The following PAPPA2 variants were observed in gnomAD, a reference collection of about 807,000 sequenced individuals.
The protein encoded by PAPPA2 is pappalysin-2.
PAPPA2 carries 86 observed loss-of-function variants against 176.4 expected under a neutral mutation model. The observed-to-expected ratio is 0.49, with a 90% CI of 0.41 to 0.58. PAPPA2 has a LOEUF of 0.58. Among genes scored for constraint, PAPPA2 ranks in the 20% least tolerant of loss-of-function variants. PAPPA2 has a pLI of 0.00. For missense variants in PAPPA2, 2,073 were observed against 2,256.9 expected (o/e 0.92, Z 1.65); for synonymous variants, 809 against 852.2 (o/e 0.95, Z 0.88).
Position 176,710,001 on chromosome 1 carries a change from A to G in PAPPA2, c.3476A>G (p.Tyr1159Cys), listed in dbSNP as rs1399708937. Reference protein sequence around the residue: ...FNCVGEPSLCYMYEGDGICEP... With the variant: ...FNCVGEPSLCCMYEGDGICEP... ...TTGGCAGGAGAGCCAAGCCTTTGCT[A>G]CATGTATGAGGGAGATGGCATATGT... Residue 1159 changes from tyrosine (Y) to cysteine (C), a missense_variant, in exon 11 of 23, where the codon TAC becomes TGC. Tyr to Cys is a radical substitution (Grantham distance 194). Around this residue, in one of 4 missense-constraint regions of PAPPA2, gnomAD observed 846 missense variants for 857.9 expected, o/e 0.99. Coordinates refer to ENST00000367662, the MANE Select transcript of PAPPA2 (RefSeq NM_020318.3). 2 of 1,607,620 alleles carry G rather than the reference A, an allele frequency of 1.2e-6. No individual in the cohort carries two copies. Among genetic ancestry groups the G allele is most frequent in the South Asian group, 2.2e-5 (2 of 89,548 alleles).
chr1:176,834,947 G>A (rs1667216453), intron 21 of PAPPA2, among the ~76,000 whole-genome samples: 1 of 152,086 alleles, frequency 6.6e-6, no homozygotes, highest in African/African-American at 2.4e-5. Flanking sequence ...CTCCAGCCTG[G>A]GCCACAAAAG....
chr1:176,726,903 T>C (rs2102856926), intron 12 of PAPPA2, among the ~76,000 whole-genome samples: 1 of 152,314 alleles, frequency 6.6e-6, no homozygotes, highest in African/African-American at 2.4e-5. Context: ...AGCTGACTCC[T>C]TCTGTGGAGA....
rs141584293 is a variant in PAPPA2, at chr1:176,708,317, G to T, written c.3458-1666G>T. Among the ~76,000 whole-genome samples the T allele has an allele frequency of 1.3e-3, 204 of 152,160 alleles. 1 individual carries two copies. Among genetic ancestry groups the T allele is most frequent in the Non-Finnish European group, 3.4e-4 (23 of 67,978 alleles). On this transcript the variant is annotated intron_variant, in intron 10 of 22. Coordinates refer to ENST00000367662, the MANE Select transcript of PAPPA2 (RefSeq NM_020318.3). ...TAGACATTTTTTCAGTGAATCATAA[G>T]TTCATCATATGCTAAGCACATATTC...
At position 176,691,448 on chromosome 1, in the gene PAPPA2, C is replaced by T. The variant is rs1660118026; in HGVS notation, c.2432-678C>T. Among the ~76,000 whole-genome samples the T allele has an allele frequency of 2.0e-5, 3 of 152,198 alleles. No homozygotes were observed. The South Asian group carries it at 6.2e-4, about 32-fold the overall frequency. On this transcript the variant is annotated intron_variant, in intron 5 of 22. Coordinates refer to ENST00000367662, the MANE Select transcript of PAPPA2 (RefSeq NM_020318.3). Reference sequence around the variant, plus strand: ...CCAGCACCTCTCCCCCATCAAGGGGCAGAAACACCAGACGATGCCATGCAG... The same window carrying T: ...CCAGCACCTCTCCCCCATCAAGGGGTAGAAACACCAGACGATGCCATGCAG...
At chr1:176,794,774 AAGGGC>A (rs80335936) in intron 20 of PAPPA2, among the ~76,000 whole-genome samples, 62,807 of 152,132 alleles carry the variant, frequency 0.41, 14,408 homozygotes, top group African/African-American at 0.6. Context: ...TGTGAGAGAC[AAGGGC>A]ATGCTGGATG....
intron 12 of PAPPA2, among the ~76,000 whole-genome samples, chr1:176,730,598 T>TG (rs1458893778): frequency 1.4e-5 from 2 of 141,062 alleles, no homozygotes; most frequent in African/African-American, 5.7e-5. Flanking sequence ...TTTTGTTTTT[T>TG]GTTTTTTTTT....
At chr1:176,478,710 G>A (rs985387542) in intron 1 of PAPPA2, among the ~76,000 whole-genome samples, 2 of 152,206 alleles carry the variant, frequency 1.3e-5, no homozygotes, top group African/African-American at 4.8e-5. Flanking sequence ...AGGGAGACTG[G>A]CCAGTCCTCT....
rs555801320 is a variant in PAPPA2, at chr1:176,595,247, G to A, written c.1643G>A (p.Arg548His). 1.9e-5 allele frequency: 31 copies of A among 1,614,222 alleles called. No individual in the cohort carries two copies. The East Asian group carries it at 2.2e-4, about 12-fold the overall frequency. Residue 548 changes from arginine (R) to histidine (H), a missense_variant, in exon 3 of 23, where the codon CGT becomes CAT. Arg to His is a conservative substitution (Grantham distance 29). This residue lies in a region of PAPPA2 where 1,196 missense variants were observed against 1,330.4 expected (regional missense o/e 0.90). Coordinates refer to ENST00000367662, the MANE Select transcript of PAPPA2 (RefSeq NM_020318.3). ...LNPIVSEEQI[R>H]LQHEALNEAF... ...CCCATTGTGAGTGAGGAGCAGATTC[G>A]TCTGCAGCACGAGGCACTGAATGAG...
At chr1:176,621,673 AT>A (rs879703359) in intron 3 of PAPPA2, among the ~76,000 whole-genome samples, 245 of 146,762 alleles carry the variant, frequency 1.7e-3, no homozygotes, top group Non-Finnish European at 1.5e-3. Context: ...GATGGCAACA[AT>A]TTTTTTTTTT....
In PAPPA2 at chr1:176,731,744, T is replaced by G. The variant is rs796559349; in HGVS notation, c.3799-7882T>G. 1.3e-5 allele frequency among the ~76,000 whole-genome samples: 2 copies of G among 151,834 alleles called. 1 individual carries two copies. The highest frequency in any genetic ancestry group is 4.9e-5 in the African/African-American group (2 of 41,168). On this transcript the variant is annotated intron_variant, in intron 12 of 22. Coordinates refer to ENST00000367662, the MANE Select transcript of PAPPA2 (RefSeq NM_020318.3). ...ACATATATGTGTACATATACATGCG[T>G]ACATATATATACGCATACACATTGT... is the stretch of plus-strand genomic sequence containing the variant.
intron 21 of PAPPA2, among the ~76,000 whole-genome samples, chr1:176,815,783 T>A (rs1666353169): frequency 6.6e-6 from 1 of 152,094 alleles, no homozygotes; most frequent in Non-Finnish European, 1.5e-5. Context: ...GGCCTCCAGA[T>A]CATAAGTAGA....
intron 4 of PAPPA2, among the ~76,000 whole-genome samples, chr1:176,678,843 A>G (rs904495444): frequency 2.6e-5 from 4 of 152,168 alleles, no homozygotes. Context: ...GGAGAAAAGT[A>G]TATAAATGTG....
At chr1:176,643,156 G>T (rs1468701930) in intron 3 of PAPPA2, among the ~76,000 whole-genome samples, 1 of 151,876 alleles carries the variant, frequency 6.6e-6, no homozygotes, top group East Asian at 1.9e-4. Flanking sequence ...TCAACCAGGA[G>T]AGTTAATTAT....
intron 12 of PAPPA2, among the ~76,000 whole-genome samples, chr1:176,725,977 T>C (rs1465628019): frequency 1.3e-5 from 2 of 152,188 alleles, no homozygotes; most frequent in African/African-American, 4.8e-5. Flanking sequence ...AGACGGAGTT[T>C]CACCGTGTTA....
chr1:176,749,505 T>C (rs1663066583), intron 14 of PAPPA2, among the ~76,000 whole-genome samples: 1 of 152,234 alleles, frequency 6.6e-6, no homozygotes, highest in African/African-American at 2.4e-5. Flanking sequence ...TTGTTGTACA[T>C]TCTATGTGCT....
rs566106091 is a variant in PAPPA2, at chr1:176,833,174, C to G, written c.5203-6999C>G. ...TCCACCCTTGCCCTTCCAGGAGATA[C>G]TCTGTACAACTTCAACTGTTAGCCG... On this transcript the variant is annotated intron_variant, in intron 21 of 22. Coordinates refer to ENST00000367662, the MANE Select transcript of PAPPA2 (RefSeq NM_020318.3). 2.0e-5 allele frequency among the ~76,000 whole-genome samples: 3 copies of G among 152,316 alleles called. No individual in the cohort carries two copies. In the South Asian group the frequency reaches 6.2e-4, roughly 32 times the overall value.
intron 17 of PAPPA2, among the ~76,000 whole-genome samples, chr1:176,779,506 A>ACACG (rs1664614871): frequency 6.7e-6 from 1 of 149,316 alleles, no homozygotes; most frequent in African/African-American, 2.5e-5. Flanking sequence ...ACACACACAC[A>ACACG]CACACACACA....
Position 176,842,517 on chromosome 1 carries a change from G to C in PAPPA2, c.*63G>C. 1 of 1,428,730 alleles carries C rather than the reference G, an allele frequency of 7.0e-7. No homozygotes were observed. Among genetic ancestry groups the C allele is most frequent in the Non-Finnish European group, 9.8e-7 (1 of 1,017,578 alleles). The allele number at this position is 1,428,730 out of a possible 1,614,324, so 88.5% of individuals were successfully genotyped here. A position where few individuals can be genotyped will look rare whatever the true frequency, so the allele number is the denominator to read the frequency against. On this transcript the variant is annotated 3_prime_UTR_variant, in exon 23 of 23. Transcript: ENST00000367662. ...CAGTAAGAAAGAGAGGCCGACCCAG[G>C]AGGAAACAAAGGGTGAATGAAGAAG...
chr1:176,550,703 T>C (rs543487059), intron 1 of PAPPA2, among the ~76,000 whole-genome samples: 5 of 152,328 alleles, frequency 3.3e-5, no homozygotes, highest in African/African-American at 4.8e-5. Flanking sequence ...ATAATGGTAA[T>C]TGTATTCTGG....
Sources: gnomAD v4.1 joint callset for allele counts (sites outside exome capture counted in the v4.1 genomes callset) on GRCh38, gnomAD v4.1.1 for gene constraint, gnomAD v4.1.1 regional missense constraint, MANE v1.5 for transcripts, NCBI Gene and HGNC (gene_info 2026-07-23, HGNC 2026-07-21) for gene names.